Variants in RAP1GDS1 observed in about 807,000 individuals in gnomAD.
The protein encoded by RAP1GDS1 is Rap1 GTPase-GDP dissociation stimulator 1, also known as RAP1, GTP-GDP dissociation stimulator 1.
Under a neutral mutation model 71.1 loss-of-function variants are expected in RAP1GDS1, and 35 were observed. The observed-to-expected ratio is 0.49, with a 90% confidence interval of 0.38 to 0.65. The LOEUF (loss-of-function observed/expected upper bound fraction) is 0.65, where lower values mean the gene tolerates loss of function less well. Among genes scored for constraint, RAP1GDS1 ranks in the 30% least tolerant of loss-of-function variants. The probability of loss-of-function intolerance (pLI) is 0.00; values close to 1 mark genes in which losing one functional copy is unlikely to be tolerated. For missense variants in RAP1GDS1, 663 were observed against 706.1 expected (o/e 0.94, Z 0.69); for synonymous variants, 229 against 243.1 (o/e 0.94, Z 0.54).
intron 1 of RAP1GDS1, among the ~76,000 whole-genome samples, chr4:98,278,283 C>A (rs1429753493): frequency 6.6e-6 from 1 of 152,098 alleles, no homozygotes; most frequent in Non-Finnish European, 1.5e-5. Flanking sequence ...GGTATGAGGT[C>A]CCCCTAGTTT....
chr4:98,418,640 T>C lies in RAP1GDS1; in HGVS notation c.1040-17T>C. On this transcript the variant is annotated splice_polypyrimidine_tract_variant and intron_variant, in intron 9 of 14. Coordinates refer to ENST00000408927, the MANE Select transcript of RAP1GDS1 (RefSeq NM_001100427.2). ...TATTTTAAAGAGGAAGAAAAAGATG[T>C]GTGTTTTTTTTTTCAGATGCAAATT... 2 of 1,580,214 alleles carry C rather than the reference T, an allele frequency of 1.3e-6. No homozygotes were observed. The highest frequency in any genetic ancestry group is 2.4e-5 in the South Asian group (2 of 84,514).
rs764227821 is a variant in RAP1GDS1, at chr4:98,416,805, A to T, written c.824A>T (p.Gln275Leu). The stretch of plus-strand genomic sequence containing the variant: ...GTAGAGTGTCTACTAGAGATTGTTC[A>T]GCAAAAAGTGGATAGTGACAAAGAA... ...GLVECLLEIV[Q>L]QKVDSDKEDD... is the part of the protein sequence containing the mutation. The change falls in exon 8 of 15, where the codon CAG becomes CTG. Residue 275 changes from glutamine to leucine, a missense_variant. By Grantham distance (113) the Gln-to-Leu change is moderately radical. Transcript: ENST00000408927. 1.4e-5 allele frequency: 23 copies of T among 1,613,264 alleles called. No homozygotes were observed. The African/African-American group carries it at 2.8e-4, about 20-fold the overall frequency.
chr4:98,413,232 T>TA (rs1747346297), intron 7 of RAP1GDS1, among the ~76,000 whole-genome samples: 2 of 151,696 alleles, frequency 1.3e-5, no homozygotes, highest in Non-Finnish European at 2.9e-5. Context: ...TTTTTTTTTT[T>TA]ATTATACTTT....
At chr4:98,307,914 C>T (rs958205426) in intron 2 of RAP1GDS1, among the ~76,000 whole-genome samples, 1 of 151,976 alleles carries the variant, frequency 6.6e-6, no homozygotes, top group Non-Finnish European at 1.5e-5. Flanking sequence ...TTTTAGTTTC[C>T]GATACTGATG....
At chr4:98,348,978 C>G (rs1283923097) in intron 3 of RAP1GDS1, among the ~76,000 whole-genome samples, 1 of 152,124 alleles carries the variant, frequency 6.6e-6, no homozygotes, top group African/African-American at 2.4e-5. Flanking sequence ...TTAATTAGAT[C>G]CCATTTGTCA....
chr4:98,307,806 C>CTT (rs1312804866), intron 2 of RAP1GDS1, among the ~76,000 whole-genome samples: 1 of 152,070 alleles, frequency 6.6e-6, no homozygotes, highest in Non-Finnish European at 1.5e-5. Context: ...CAAAGTGATA[C>CTT]TTTTGTTTCC....
chr4:98,292,426 G>C (rs1444420895), intron 1 of RAP1GDS1, among the ~76,000 whole-genome samples: 1 of 151,976 alleles, frequency 6.6e-6, no homozygotes, highest in Admixed American at 6.6e-5. Context: ...GAGCCACCGG[G>C]CCTGGATGAA....
At chr4:98,424,413 A>C (rs920120184) in intron 12 of RAP1GDS1, among the ~76,000 whole-genome samples, 3 of 152,182 alleles carry the variant, frequency 2.0e-5, no homozygotes, top group African/African-American at 7.2e-5. Flanking sequence ...AAAAACAAAA[A>C]TCACAAAAAA....
chr4:98,317,309 G>A (rs1033271528), intron 2 of RAP1GDS1, among the ~76,000 whole-genome samples: 2 of 152,098 alleles, frequency 1.3e-5, no homozygotes, highest in African/African-American at 2.4e-5. Flanking sequence ...AATTACTCTA[G>A]TGCCATGATA....
chr4:98,430,746 G>C (rs949197975), intron 12 of RAP1GDS1, among the ~76,000 whole-genome samples: 1 of 152,160 alleles, frequency 6.6e-6, no homozygotes, highest in African/African-American at 2.4e-5. Flanking sequence ...TTAAACACCA[G>C]GTTCAAATGT....
At chr4:98,288,176 C>T (rs1386035490) in intron 1 of RAP1GDS1, among the ~76,000 whole-genome samples, 1 of 152,084 alleles carries the variant, frequency 6.6e-6, no homozygotes, top group Non-Finnish European at 1.5e-5. Context: ...TGCTATCCCT[C>T]CCCGCTACCC....
chr4:98,328,984 G>T (rs1733546562), intron 2 of RAP1GDS1, among the ~76,000 whole-genome samples: 1 of 152,248 alleles, frequency 6.6e-6, no homozygotes, highest in Admixed American at 6.5e-5. Context: ...TCCTGAGCTT[G>T]TGGGAAGTGA....
intron 4 of RAP1GDS1, among the ~76,000 whole-genome samples, chr4:98,372,731 C>T (rs1740576121): frequency 6.6e-6 from 1 of 152,172 alleles, no homozygotes; most frequent in Non-Finnish European, 1.5e-5. Context: ...GTTGCCCAGG[C>T]TGGTGTGTAG....
At chr4:98,327,880 G>A (rs190048523) in intron 2 of RAP1GDS1, among the ~76,000 whole-genome samples, 2 of 152,278 alleles carry the variant, frequency 1.3e-5, no homozygotes, top group Admixed American at 6.5e-5. Flanking sequence ...GGTGCTTGCT[G>A]TCATCTCAAA....
Position 98,443,464 on chromosome 4 carries a change from T to A in RAP1GDS1, c.*1347T>A, listed in dbSNP as rs1034005469. The A allele has an allele frequency of 4.4e-5, 10 of 229,274 alleles. No homozygotes were observed. The highest frequency in any genetic ancestry group is 2.2e-4 in the African/African-American group (10 of 45,094). 14.2% of individuals were successfully genotyped at this position (229,274 alleles called of 1,614,324 possible). A position where few individuals can be genotyped will look rare whatever the true frequency, so the allele number is the denominator to read the frequency against. The stretch of plus-strand genomic sequence containing the variant: ...TCTCCCCATACCCAAATTTGACCAC[T>A]ACTGGCCTAAAAGGCAAGATGGGCT... On this transcript the variant is annotated 3_prime_UTR_variant, in exon 15 of 15. Coordinates refer to ENST00000408927, the MANE Select transcript of RAP1GDS1 (RefSeq NM_001100427.2).
chr4:98,417,275 TGA>T, intron 8 of RAP1GDS1, 90 bp from the exon 9 acceptor site: 1 of 1,290,370 alleles, frequency 7.7e-7, no homozygotes, highest in Non-Finnish European at 1.1e-6. Flanking sequence ...TTGTGAGGTG[TGA>T]GTTTCCAGTT....
chr4:98,400,072 C>T (rs1745149984), intron 6 of RAP1GDS1, among the ~76,000 whole-genome samples: 1 of 151,938 alleles, frequency 6.6e-6, no homozygotes, highest in Non-Finnish European at 1.5e-5. Flanking sequence ...AGGATCGCTT[C>T]AGCACAGGAT....
intron 5 of RAP1GDS1, among the ~76,000 whole-genome samples, chr4:98,388,443 C>T (rs1194102277): frequency 6.6e-6 from 1 of 152,102 alleles, no homozygotes; most frequent in Non-Finnish European, 1.5e-5. Context: ...TGAGATAGCC[C>T]TGGTGGGCGC....
At chr4:98,417,026 T>A in intron 8 of RAP1GDS1, 138 bp downstream of exon 8, 1 of 1,003,338 alleles carries the variant, frequency 1.0e-6, no homozygotes, top group Admixed American at 2.4e-5. Context: ...TTTTGACATC[T>A]TAAACATGCC....
Sources: gnomAD v4.1 joint callset for allele counts (sites outside exome capture counted in the v4.1 genomes callset) on GRCh38, gnomAD v4.1.1 for gene constraint, MANE v1.5 for transcripts, NCBI Gene and HGNC (gene_info 2026-07-23, HGNC 2026-07-21) for gene names.